MYRIP: variants seen among roughly 807,000 people sequenced by gnomAD.
MYRIP encodes the protein myosin VIIA and Rab interacting protein, also known as rab effector MyRIP.
MYRIP carries 49 observed loss-of-function variants against 98.0 expected under a neutral mutation model. The ratio of observed to expected loss-of-function variants is 0.50; its 90% CI spans 0.40 to 0.63. The LOEUF (loss-of-function observed/expected upper bound fraction) is 0.63, where lower values mean the gene tolerates loss of function less well. Ranked by LOEUF, MYRIP falls within the 30% of genes least tolerant of loss-of-function variation. The pLI is 0.00. For synonymous variants in MYRIP, 404 were observed against 409.5 expected, an observed-to-expected ratio of 0.99 and a Z score of 0.16; for missense variants, 1,004 against 1,058.2, an observed-to-expected ratio of 0.95 and a Z score of 0.71.
chr3:39,976,888 G>C (rs1163630511), intron 2 of MYRIP, among the ~76,000 whole-genome samples: 1 of 152,060 alleles, frequency 6.6e-6, no homozygotes, highest in East Asian at 1.9e-4. Context: ...ACACACCAGG[G>C]CCCGTTGTGG....
At chr3:40,032,045 T>C (rs1947273871) in intron 2 of MYRIP, among the ~76,000 whole-genome samples, 3 of 152,172 alleles carry the variant, frequency 2.0e-5, no homozygotes, top group Non-Finnish European at 4.4e-5. Flanking sequence ...TGAATGTGTT[T>C]GCTCTTGCTT....
At chr3:39,919,488 T>C (rs1944249171) in intron 2 of MYRIP, among the ~76,000 whole-genome samples, 1 of 152,220 alleles carries the variant, frequency 6.6e-6, no homozygotes, top group Admixed American at 6.5e-5. Flanking sequence ...TGCCTTGCCC[T>C]GTCCATCTGC....
chr3:39,955,512 G>A (rs1157019942), intron 2 of MYRIP, among the ~76,000 whole-genome samples: 1 of 152,044 alleles, frequency 6.6e-6, no homozygotes, highest in Non-Finnish European at 1.5e-5. Flanking sequence ...TGCCATACAA[G>A]AGCTCCTGAA....
At chr3:40,042,288 TAAAAA>T (rs66600615) in intron 2 of MYRIP, among the ~76,000 whole-genome samples, 4,062 of 112,580 alleles carry the variant, frequency 0.036, 117 homozygotes, top group African/African-American at 0.097. Flanking sequence ...ACTGGAAGGA[TAAAAA>T]AAAAAAAAAA....
chr3:40,164,360 T>C (rs950010075), intron 5 of MYRIP, among the ~76,000 whole-genome samples: 1 of 152,202 alleles, frequency 6.6e-6, no homozygotes, highest in African/African-American at 2.4e-5. Context: ...TTCAGGGGAC[T>C]GGCAAGCCCC....
chr3:40,106,333 A>G (rs962235972), intron 3 of MYRIP, among the ~76,000 whole-genome samples: 1 of 152,032 alleles, frequency 6.6e-6, no homozygotes, highest in African/African-American at 2.4e-5. Context: ...GTTAAGAAGA[A>G]TTTTTGTTTT....
intron 2 of MYRIP, among the ~76,000 whole-genome samples, chr3:39,942,757 T>G (rs1225752358): frequency 1.3e-5 from 2 of 152,178 alleles, no homozygotes; most frequent in African/African-American, 4.8e-5. Flanking sequence ...ATCTGTCTTT[T>G]TCTGTCTACC....
At chr3:39,885,492 G>T (rs6796155) in intron 1 of MYRIP, among the ~76,000 whole-genome samples, 4 of 151,666 alleles carry the variant, frequency 2.6e-5, no homozygotes, top group African/African-American at 9.7e-5. Context: ...TGCTCTTCTC[G>T]CGGAGTATCT....
In MYRIP at chr3:39,881,469, T is replaced by C. The variant is rs541899602; in HGVS notation, c.-30-19318T>C. On this transcript the variant is annotated intron_variant, in intron 1 of 16. Coordinates refer to ENST00000302541, the MANE Select transcript of MYRIP (RefSeq NM_015460.4). ...GCTTTCATTTAAACGTATCAGTTTT[T>C]TCCTCAAAGAAATGTTTTAGTCTGC... is the stretch of plus-strand genomic sequence containing the variant. Among the ~76,000 whole-genome samples the C allele has an allele frequency of 1.2e-3, 179 of 152,324 alleles. 2 individuals carry two copies. The South Asian group carries it at 0.036, about 30-fold the overall frequency.
chr3:40,010,720 C>A (rs932075126), intron 2 of MYRIP, among the ~76,000 whole-genome samples: 1 of 152,122 alleles, frequency 6.6e-6, no homozygotes, highest in African/African-American at 2.4e-5. Context: ...TGCCATACCT[C>A]CCCTGCCCCT....
intron 1 of MYRIP, among the ~76,000 whole-genome samples, chr3:39,817,999 TAAC>T (rs1390919925): frequency 3.3e-5 from 5 of 152,198 alleles, no homozygotes; most frequent in African/African-American, 7.2e-5. Flanking sequence ...TTAAAAAACT[TAAC>T]AACACATCAG....
intron 2 of MYRIP, among the ~76,000 whole-genome samples, chr3:39,957,371 A>G (rs1945195263): frequency 2.0e-5 from 3 of 149,336 alleles, no homozygotes; most frequent in Non-Finnish European, 2.9e-5. Context: ...AGGCTGGCTC[A>G]ACATATGCAA....
At chr3:39,939,171 C>A (rs1944724301) in intron 2 of MYRIP, among the ~76,000 whole-genome samples, 1 of 152,148 alleles carries the variant, frequency 6.6e-6, no homozygotes, top group Non-Finnish European at 1.5e-5. Flanking sequence ...ACTTGCCAAT[C>A]CCATTAATGA....
chr3:40,006,923 C>T (rs1163467373), intron 2 of MYRIP, among the ~76,000 whole-genome samples: 1 of 152,046 alleles, frequency 6.6e-6, no homozygotes, highest in African/African-American at 2.4e-5. Context: ...TGCAGTGGCA[C>T]AATCATGGGA....
rs2125722212 is a variant in MYRIP at position 40,250,565 on chromosome 3, A to G, written c.2428+66A>G. On this transcript the variant is annotated intron_variant, in intron 15 of 16. Coordinates refer to ENST00000302541, the MANE Select transcript of MYRIP (RefSeq NM_015460.4). ...CCTGAATCATTTACTTTGGGTAACA[A>G]AGAGACCTGAGTTTGAGAATTAGAT... 2.6e-6 allele frequency: 4 copies of G among 1,552,454 alleles called. No individual in the cohort carries two copies. In the South Asian group the frequency reaches 4.5e-5, roughly 17 times the overall value.
chr3:40,206,499 A>G (rs1425061863), intron 10 of MYRIP, among the ~76,000 whole-genome samples: 1 of 152,098 alleles, frequency 6.6e-6, no homozygotes, highest in Non-Finnish European at 1.5e-5. Flanking sequence ...TGTCTTGATA[A>G]TCTTTAGGAT....
chr3:40,175,905 A>G (rs1950743010), intron 8 of MYRIP, among the ~76,000 whole-genome samples: 1 of 152,244 alleles, frequency 6.6e-6, no homozygotes, highest in African/African-American at 2.4e-5. Context: ...CCCCATTCAT[A>G]TGGAATACAA....
intron 2 of MYRIP, among the ~76,000 whole-genome samples, chr3:39,982,908 C>T (rs758408365): frequency 1.3e-5 from 2 of 152,174 alleles, no homozygotes; most frequent in East Asian, 1.9e-4. Context: ...ATATGTCAAC[C>T]GCATTTTCCA....
chr3:40,178,893 A>T (rs1332016498), intron 8 of MYRIP, among the ~76,000 whole-genome samples: 1 of 152,176 alleles, frequency 6.6e-6, no homozygotes, highest in Non-Finnish European at 1.5e-5. Flanking sequence ...ATGTGCTAAC[A>T]TTCCTGGATC....
Sources: gnomAD v4.1 joint callset for allele counts (sites outside exome capture counted in the v4.1 genomes callset) on GRCh38, gnomAD v4.1.1 for gene constraint, MANE v1.5 for transcripts, NCBI Gene and HGNC (gene_info 2026-07-23, HGNC 2026-07-21) for gene names.